The following USP20 variants were observed in gnomAD, a reference collection of about 807,000 sequenced individuals.
The protein encoded by USP20 is ubiquitin carboxyl-terminal hydrolase 20.
USP20 carries 80 observed loss-of-function variants against 124.2 expected under a neutral mutation model. The observed-to-expected ratio is 0.64, with a 90% CI of 0.54 to 0.78. The LOEUF (loss-of-function observed/expected upper bound fraction) is 0.78, where lower values mean the gene tolerates loss of function less well. Among genes scored for constraint, USP20 ranks in the 30% least tolerant of loss-of-function variants. USP20 has a pLI of 0.00. For missense variants in USP20, 1,043 were observed against 1,244.4 expected (o/e 0.84, Z 2.44); for synonymous variants, 481 against 512.3 (o/e 0.94, Z 0.83).
At chr9:129,844,446 C>T (rs1342080026) in intron 1 of USP20, among the ~76,000 whole-genome samples, 1 of 151,572 alleles carries the variant, frequency 6.6e-6, no homozygotes, top group African/African-American at 2.4e-5. Flanking sequence ...GGCAACATGA[C>T]GAAACCCCAT....
Position 129,863,238 on chromosome 9 carries a change from A to G in USP20, c.550A>G (p.Lys184Glu), listed in dbSNP as rs1426472677. The change falls in exon 9 of 26, where the codon AAG (lysine) becomes GAG (glutamate). Residue 184 changes from lysine (K) to glutamate (E), a missense_variant. Physicochemically the swap from Lys to Glu is moderately conservative, Grantham distance 56. Coordinates refer to ENST00000372429, the MANE Select transcript of USP20 (RefSeq NM_001110303.4). Reference sequence around the variant, plus strand: ...GTGTGGCGGCCTGGTGCGCACAGATAAGAAGCCAGCCCTGTGCAAGAGCTA... The same window carrying G: ...GTGTGGCGGCCTGGTGCGCACAGATGAGAAGCCAGCCCTGTGCAAGAGCTA... The part of the protein sequence containing the change: ...LECGGLVRTD[K>E]KPALCKSYQK... 6.4e-7 allele frequency: 1 copy of G among 1,551,208 alleles called. No homozygotes were observed. Among genetic ancestry groups the G allele is most frequent in the Admixed American group, 1.9e-5 (1 of 51,416 alleles).
chr9:129,871,575 C>T (rs898993086), intron 15 of USP20, among the ~76,000 whole-genome samples: 2 of 152,182 alleles, frequency 1.3e-5, no homozygotes, highest in Admixed American at 1.3e-4. Flanking sequence ...CCACAGTGGC[C>T]ACCCCATTTC....
intron 1 of USP20, among the ~76,000 whole-genome samples, chr9:129,843,407 G>T (rs183854965): frequency 3.3e-5 from 5 of 151,944 alleles, no homozygotes; most frequent in African/African-American, 1.2e-4. Context: ...TCCAGCCTAG[G>T]CAACAGACTA....
At chr9:129,861,136 T>G (rs2033526440) in intron 7 of USP20, 103 bp downstream of exon 7, 1 of 1,089,118 alleles carries the variant, frequency 9.2e-7, no homozygotes, top group Non-Finnish European at 1.4e-6. Context: ...ACCTGCTATA[T>G]GGGCAAGGAA....
chr9:129,852,514 C>T, intron 2 of USP20, 26 bp from the exon 3 acceptor site: 8 of 1,560,856 alleles, frequency 5.1e-6, no homozygotes, highest in Non-Finnish European at 7.0e-6. Flanking sequence ...TGCCATTAAC[C>T]CGGGATTGCT....
intron 14 of USP20, 44 bp downstream of exon 14, chr9:129,869,888 T>C (rs1188676948): frequency 2.0e-6 from 3 of 1,530,862 alleles, no homozygotes; most frequent in Admixed American, 3.5e-5. Flanking sequence ...GCTGGGCCTG[T>C]CCTGGTTTTC....
Position 129,839,764 on chromosome 9 carries a change from A to C in USP20, c.-129+4265A>C, listed in dbSNP as rs1352663441. Among the ~76,000 whole-genome samples, 2 of 151,998 alleles carry C rather than the reference A, an allele frequency of 1.3e-5. No individual in the cohort carries two copies. Among genetic ancestry groups the C allele is most frequent in the African/African-American group, 4.8e-5 (2 of 41,368 alleles). ...TTCCTCGCTGGGAGGAGGAGGATGT[A>C]GCCAGAACCTCTGGGAAAACAATGA... On this transcript the variant is annotated intron_variant, in intron 1 of 25. Transcript: ENST00000372429. This position sits in a 1 kb window ranked among gnomAD's most constrained non-coding sequence, Gnocchi z 4.5.
Position 129,862,907 on chromosome 9 carries a change from A to AAAT in USP20, c.498-261_498-259dup, listed in dbSNP as rs60636141. Among the ~76,000 whole-genome samples the AAAT allele has an allele frequency of 8.3e-3, 49 of 5,930 alleles. 1 individual carries two copies. Among genetic ancestry groups the AAAT allele is most frequent in the South Asian group, 0.02 (1 of 50 alleles). The allele number at this position is 5,930 out of a possible 152,430, so 3.9% of individuals were successfully genotyped here. ...GGCAACAGAGGGAGACTCTGTTTCA[A>AAAT]AATAATAATAATAATAATAAAAAAA... On this transcript the variant is annotated intron_variant, in intron 8 of 25. Transcript: ENST00000372429.
At chr9:129,845,770 A>G (rs2032504125) in intron 1 of USP20, among the ~76,000 whole-genome samples, 1 of 152,220 alleles carries the variant, frequency 6.6e-6, no homozygotes, top group African/African-American at 2.4e-5. Context: ...AGGCAACACA[A>G]GTTCATTGTA....
At chr9:129,869,925 G>A in intron 14 of USP20, 81 bp downstream of exon 14, 1 of 1,536,086 alleles carries the variant, frequency 6.5e-7, no homozygotes, top group South Asian at 1.2e-5. Flanking sequence ...ACACAGTGAA[G>A]TCCATGCATT....
chr9:129,856,986 T>A (rs1355707877), intron 4 of USP20, among the ~76,000 whole-genome samples: 1 of 152,134 alleles, frequency 6.6e-6, no homozygotes, highest in Non-Finnish European at 1.5e-5. Context: ...TTCTCTGTAG[T>A]ATTTAAAAAA....
At chr9:129,856,431 G>A in intron 4 of USP20, 71 bp downstream of exon 4, 1 of 1,548,870 alleles carries the variant, frequency 6.5e-7, no homozygotes, top group Non-Finnish European at 8.9e-7. Flanking sequence ...ACAGGCTGGT[G>A]CAGTGGGCTA....
At chr9:129,854,631 CAAATAACTG>C (rs1417299095) in intron 3 of USP20, among the ~76,000 whole-genome samples, 1 of 108,618 alleles carries the variant, frequency 9.2e-6, no homozygotes, top group Non-Finnish European at 1.9e-5. Flanking sequence ...TTTTATAAAT[CAAATAACTG>C]AAATGGAAAA....
At chr9:129,878,472 C>T (rs1355558043) in intron 23 of USP20, 32 bp downstream of exon 23, 8 of 1,540,602 alleles carry the variant, frequency 5.2e-6, no homozygotes, top group Non-Finnish European at 5.3e-6. Context: ...CACTTACCTG[C>T]CCTGGGGGCC....
rs1395923975 is a variant in USP20 at position 129,880,611 on chromosome 9, G to T, written c.*161G>T. 2 of 270,256 alleles carry T rather than the reference G, an allele frequency of 7.4e-6. No homozygotes were observed. Among genetic ancestry groups the T allele is most frequent in the Non-Finnish European group, 1.5e-5 (2 of 137,210 alleles). The allele number at this position is 270,256 out of a possible 1,614,324, so 16.7% of individuals were successfully genotyped here. ...TAGAAAATATATGCACTTCAGGCTTGTTGAAACGACCAAGACTCTGTGACG... is the reference window on the plus strand; with the variant it reads ...TAGAAAATATATGCACTTCAGGCTTTTTGAAACGACCAAGACTCTGTGACG... On this transcript the variant is annotated 3_prime_UTR_variant, in exon 26 of 26. Coordinates refer to ENST00000372429, the MANE Select transcript of USP20 (RefSeq NM_001110303.4).
chr9:129,838,042 A>ATT lies in USP20; in HGVS notation c.-129+2559_-129+2560dup, dbSNP rs35724053. ...GGAGAAGCCATGCACGTTGACAACA[A>ATT]TTTTTTTTTTTTTTTTTGAGACGGA... On this transcript the variant is annotated intron_variant, in intron 1 of 25. Transcript: ENST00000372429. 1.8e-3 allele frequency among the ~76,000 whole-genome samples: 263 copies of ATT among 142,528 alleles called. 2 individuals are homozygous for ATT. The highest frequency in any genetic ancestry group is 3.6e-3 in the South Asian group (16 of 4,482). 93.5% of individuals were successfully genotyped at this position (142,528 alleles called of 152,430 possible).
In USP20 at chr9:129,869,622, G is replaced by A. The variant is rs1203233945; in HGVS notation, c.1393-50G>A. On this transcript the variant is annotated intron_variant, in intron 13 of 25. Transcript: ENST00000372429. ...CCTCACCTGCTGCTTGGGGTTTGGGGTGCAGACATTGCCAGAGGATGGGCA... is the reference window on the plus strand; with the variant it reads ...CCTCACCTGCTGCTTGGGGTTTGGGATGCAGACATTGCCAGAGGATGGGCA... 9 of 1,606,304 alleles carry A rather than the reference G, an allele frequency of 5.6e-6. No homozygotes were observed. The Admixed American group carries it at 1.3e-4, about 24-fold the overall frequency.
At chr9:129,841,584 G>A (rs2032215788) in intron 1 of USP20, among the ~76,000 whole-genome samples, 1 of 152,158 alleles carries the variant, frequency 6.6e-6, no homozygotes, top group Admixed American at 6.5e-5. Context: ...GCTTTGTTAT[G>A]TCTCCTCAGT....
intron 14 of USP20, 107 bp from the exon 15 acceptor site, chr9:129,870,346 C>T: frequency 8.0e-7 from 1 of 1,250,516 alleles, no homozygotes; most frequent in Admixed American, 2.0e-5. Flanking sequence ...TCTGGGCCTT[C>T]AGGGTCCTTC....
Sources: gnomAD v4.1 joint callset for allele counts (sites outside exome capture counted in the v4.1 genomes callset) on GRCh38, gnomAD v4.1.1 for gene constraint, Gnocchi (gnomAD v3.1) non-coding constraint, MANE v1.5 for transcripts, NCBI Gene and HGNC (gene_info 2026-07-23, HGNC 2026-07-21) for gene names.